HCRTR2: variants seen among roughly 807,000 people sequenced by gnomAD.
HCRTR2 encodes orexin receptor type 2.
HCRTR2 carries 22 observed loss-of-function variants against 49.0 expected under a neutral mutation model. The observed-to-expected ratio is 0.45, with a 90% CI of 0.32 to 0.64. HCRTR2 has a LOEUF of 0.64. Among genes scored for constraint, HCRTR2 ranks in the 30% least tolerant of loss-of-function variants. HCRTR2 has a pLI of 0.04. For synonymous variants in HCRTR2, 236 were observed against 205.3 expected (o/e 1.15, Z -1.28); for missense variants, 491 against 559.4 (o/e 0.88, Z 1.23).
chr6:55,225,972 A>C (rs952152439), intron 1 of HCRTR2, among the ~76,000 whole-genome samples: 4 of 152,254 alleles, frequency 2.6e-5, no homozygotes, highest in African/African-American at 9.6e-5. Flanking sequence ...ACTGTTAAAA[A>C]GACAGCCTAA....
At chr6:55,111,234 G>A (rs1764044577) in intron 1 of HCRTR2, among the ~76,000 whole-genome samples, 1 of 151,878 alleles carries the variant, frequency 6.6e-6, no homozygotes, top group South Asian at 2.1e-4. Flanking sequence ...AGCACAAATA[G>A]ACAATCTAAG....
chr6:55,197,065 C>T (rs1765429040), intron 1 of HCRTR2, among the ~76,000 whole-genome samples: 1 of 152,176 alleles, frequency 6.6e-6, no homozygotes, highest in Non-Finnish European at 1.5e-5. Flanking sequence ...TCTGATTTTA[C>T]TCCCATCTGC....
chr6:55,231,161 TA>T (rs1416925232), intron 1 of HCRTR2, among the ~76,000 whole-genome samples: 2 of 152,054 alleles, frequency 1.3e-5, no homozygotes, highest in Admixed American at 6.6e-5. Flanking sequence ...AGTCATGAGG[TA>T]AAAAAATGAA....
intron 1 of HCRTR2, among the ~76,000 whole-genome samples, chr6:55,129,559 T>A (rs1226743206): frequency 6.6e-6 from 1 of 152,102 alleles, no homozygotes; most frequent in Non-Finnish European, 1.5e-5. Context: ...TTACAAGTTA[T>A]TCCATGGTCT....
Position 55,174,654 on chromosome 6 carries a change from G to A in HCRTR2, c.67G>A (p.Glu23Lys). ...CTGGTCATCTGCTTCGGAGCTGAATGAAACTCAAGAGCCCTTTTTAAACCC... is the reference window on the plus strand; with the variant it reads ...CTGGTCATCTGCTTCGGAGCTGAATAAAACTCAAGAGCCCTTTTTAAACCC... ...RNWSSASELNETQEPFLNPTD... is the reference protein window; with the variant it reads ...RNWSSASELNKTQEPFLNPTD... The change falls in exon 1 of 7, where the codon GAA becomes AAA. Residue 23 changes from glutamate (E) to lysine (K), a missense_variant. Physicochemically the swap from Glu to Lys is moderately conservative, Grantham distance 56. Coordinates refer to ENST00000370862, the MANE Select transcript of HCRTR2 (RefSeq NM_001384272.1). 3 of 1,614,096 alleles carry A rather than the reference G, an allele frequency of 1.9e-6. No homozygotes were observed. The highest frequency in any genetic ancestry group is 2.5e-6 in the Non-Finnish European group (3 of 1,180,018).
At chr6:55,143,191 G>A (rs1764533468) in intron 1 of HCRTR2, among the ~76,000 whole-genome samples, 1 of 151,484 alleles carries the variant, frequency 6.6e-6, no homozygotes, top group South Asian at 2.1e-4. Flanking sequence ...ATAATGTCCT[G>A]GATACCTTAG....
intron 2 of HCRTR2, among the ~76,000 whole-genome samples, chr6:55,251,051 G>A (rs1405628769): frequency 6.6e-6 from 1 of 152,134 alleles, no homozygotes; most frequent in Non-Finnish European, 1.5e-5. Context: ...GCAATGAACA[G>A]TGCCAATGGG....
At position 55,141,150 on chromosome 6, in the gene HCRTR2, C is replaced by G. The variant is rs544048710; in HGVS notation, c.-377-33061C>G. On this transcript the variant is annotated intron_variant, in intron 1 of 7. Transcript: ENST00000615358. ...GAGATCGAGACCATCCTGGCTAACA[C>G]GGTGAAATCCCCTCTCTACTAAAAA... Among the ~76,000 whole-genome samples the G allele has an allele frequency of 2.1e-5, 3 of 145,084 alleles. No homozygotes were observed. In the Admixed American group the frequency reaches 2.1e-4, roughly 10 times the overall value.
intron 1 of HCRTR2, among the ~76,000 whole-genome samples, chr6:55,198,060 C>G (rs1765449482): frequency 6.6e-6 from 1 of 152,160 alleles, no homozygotes; most frequent in Non-Finnish European, 1.5e-5. Flanking sequence ...CACCCAACCC[C>G]AAAAGTAAAT....
intron 1 of HCRTR2, among the ~76,000 whole-genome samples, chr6:55,196,353 C>T (rs982561262): frequency 3.3e-5 from 5 of 152,168 alleles, no homozygotes; most frequent in Admixed American, 6.5e-5. Flanking sequence ...AAGGAAGTAT[C>T]GGAGCTTTTG....
chr6:55,115,133 C>T (rs574841828), intron 1 of HCRTR2, among the ~76,000 whole-genome samples: 3 of 151,714 alleles, frequency 2.0e-5, no homozygotes, highest in African/African-American at 7.3e-5. Flanking sequence ...AGTTTATTAC[C>T]TTATCTCTTC....
chr6:55,107,541 A>G (rs970293657), intron 1 of HCRTR2, among the ~76,000 whole-genome samples: 5 of 149,426 alleles, frequency 3.3e-5, no homozygotes, highest in Admixed American at 1.3e-4. Flanking sequence ...AGGTTCTGTA[A>G]CATATACACT....
chr6:55,133,685 C>CTA (rs1764392810), intron 1 of HCRTR2, among the ~76,000 whole-genome samples: 1 of 149,978 alleles, frequency 6.7e-6, no homozygotes, highest in South Asian at 2.1e-4. Flanking sequence ...ATCTATCTAT[C>CTA]TATCTATCTA....
intron 4 of HCRTR2, among the ~76,000 whole-genome samples, chr6:55,275,080 T>G (rs975435809): frequency 1.3e-5 from 2 of 152,180 alleles, no homozygotes; most frequent in Non-Finnish European, 2.9e-5. Context: ...TCATAATGTT[T>G]TTAATGTTTG....
chr6:55,269,534 A>G (rs1416011901), intron 4 of HCRTR2, among the ~76,000 whole-genome samples: 1 of 152,210 alleles, frequency 6.6e-6, no homozygotes, highest in African/African-American at 2.4e-5. Context: ...AAAGATTAAT[A>G]TATATACAAA....
intron 1 of HCRTR2, among the ~76,000 whole-genome samples, chr6:55,177,888 C>G (rs1484146388): frequency 6.6e-6 from 1 of 152,102 alleles, no homozygotes; most frequent in Non-Finnish European, 1.5e-5. Flanking sequence ...TATTTACATT[C>G]AATGAAAAGC....
chr6:55,171,686 T>C (rs1033925702), upstream of HCRTR2, among the ~76,000 whole-genome samples: 5 of 152,156 alleles, frequency 3.3e-5, no homozygotes, highest in Non-Finnish European at 7.4e-5. Context: ...TCAAGATAAA[T>C]ACAGCTTGTC....
At chr6:55,269,492 C>T (rs1185077079) in intron 4 of HCRTR2, among the ~76,000 whole-genome samples, 1 of 151,910 alleles carries the variant, frequency 6.6e-6, no homozygotes, top group Non-Finnish European at 1.5e-5. Flanking sequence ...TACATTAGAA[C>T]AAATAAATGA....
chr6:55,118,118 T>C (rs552214335), intron 1 of HCRTR2, among the ~76,000 whole-genome samples: 3 of 152,042 alleles, frequency 2.0e-5, no homozygotes, highest in Non-Finnish European at 4.4e-5. Context: ...GTTCTCATCA[T>C]TTAGCTCCCA....
Sources: allele counts gnomAD v4.1 joint callset (sites outside exome capture counted in the v4.1 genomes callset), GRCh38; gene constraint gnomAD v4.1.1; transcripts MANE v1.5; gene names NCBI Gene and HGNC (gene_info 2026-07-23, HGNC 2026-07-21).